Variants in MYT1L observed in about 807,000 individuals in gnomAD.
The protein encoded by MYT1L is myelin transcription factor 1-like protein.
In MYT1L, 12 loss-of-function variants were observed where a neutral mutation model predicts 126.7. That is an observed-to-expected ratio of 0.09 (90% CI 0.06 to 0.15). MYT1L has a LOEUF of 0.15. Ranked by LOEUF, MYT1L falls within the 10% of genes least tolerant of loss-of-function variation. The pLI, the probability that MYT1L is intolerant of heterozygous loss-of-function variation, is 1.00. For missense variants in MYT1L, 979 were observed against 1,585.2 expected (o/e 0.62, Z 6.49); for synonymous variants, 541 against 604.2 (o/e 0.90, Z 1.53).
At position 1,809,118 on chromosome 2, in the gene MYT1L, A is replaced by G; in HGVS notation, c.3130T>C (p.Ser1044Pro). ...ATSAMKKAKL[S>P]GEQMLTIKQR... is the part of the protein sequence containing the mutation. Reference sequence around the variant, plus strand: ...TTGATGGTCAGCATCTGCTCTCCAGAAAGCTTTGCCTTCTTCATCGCTGAC... The same window carrying G: ...TTGATGGTCAGCATCTGCTCTCCAGGAAGCTTTGCCTTCTTCATCGCTGAC... Residue 1044 changes from serine to proline, a missense_variant, in exon 22 of 25, where the codon TCT (serine) becomes CCT (proline). Physicochemically the swap from Ser to Pro is moderately conservative, Grantham distance 74 (BLOSUM62 -1). This residue lies in a region of MYT1L where 179 missense variants were observed against 398.6 expected (regional missense o/e 0.45). Coordinates refer to ENST00000647738, the MANE Select transcript of MYT1L (RefSeq NM_001303052.2). 1 of 1,614,000 alleles carries G rather than the reference A, an allele frequency of 6.2e-7. No homozygotes were observed. The highest frequency in any genetic ancestry group is 1.7e-5 in the Admixed American group (1 of 60,022).
At chr2:2,293,781 C>G (rs757368101) in intron 1 of MYT1L, among the ~76,000 whole-genome samples, 21 of 152,160 alleles carry the variant, frequency 1.4e-4, no homozygotes, top group Non-Finnish European at 2.9e-4. Flanking sequence ...CCTCCCGGCT[C>G]CTCTGGAGTC....
chr2:2,156,000 C>A (rs1466370866), intron 3 of MYT1L, among the ~76,000 whole-genome samples: 8 of 152,072 alleles, frequency 5.3e-5, no homozygotes, highest in Non-Finnish European at 1.0e-4. Flanking sequence ...CCTATAGTGA[C>A]CCATAGTGAC....
chr2:1,931,569 T>C (rs1311565469), intron 9 of MYT1L, among the ~76,000 whole-genome samples: 1 of 152,150 alleles, frequency 6.6e-6, no homozygotes, highest in Non-Finnish European at 1.5e-5. Flanking sequence ...GTCGCTTCTT[T>C]GTTCTTCTGG....
intron 4 of MYT1L, among the ~76,000 whole-genome samples, chr2:2,003,278 G>A (rs2062590643): frequency 6.6e-6 from 1 of 152,078 alleles, no homozygotes. Context: ...GCTTTTCCAC[G>A]TGACGTTTCA....
intron 8 of MYT1L, among the ~76,000 whole-genome samples, chr2:1,978,559 GT>G (rs2060353948): frequency 6.6e-6 from 1 of 152,078 alleles, no homozygotes. Flanking sequence ...GTTTCTAAAG[GT>G]TTTCCACCCC....
chr2:2,114,979 TCA>T (rs906212285), intron 3 of MYT1L, among the ~76,000 whole-genome samples: 7 of 152,320 alleles, frequency 4.6e-5, no homozygotes, highest in African/African-American at 1.4e-4. Flanking sequence ...CCGTAGCATC[TCA>T]CAGACTGTTT....
At chr2:2,153,234 G>A (rs1216609583) in intron 3 of MYT1L, among the ~76,000 whole-genome samples, 2 of 152,166 alleles carry the variant, frequency 1.3e-5, no homozygotes, top group Non-Finnish European at 2.9e-5. Flanking sequence ...AGGGGAAGGA[G>A]GCTGCAGCTA....
At chr2:2,153,628 A>G (rs1174252552) in intron 3 of MYT1L, among the ~76,000 whole-genome samples, 1 of 152,310 alleles carries the variant, frequency 6.6e-6, no homozygotes, top group East Asian at 1.9e-4. Context: ...GAAGACCATC[A>G]AAAGTAATTT....
intron 4 of MYT1L, among the ~76,000 whole-genome samples, chr2:2,032,798 C>A: frequency 9.7e-6 from 1 of 102,758 alleles, no homozygotes; most frequent in South Asian, 4.1e-4. Flanking sequence ...GAGGGCCTTA[C>A]ACACACCCTC....
At chr2:1,802,061 C>T (rs1558597739) in intron 22 of MYT1L, 2 of 339,888 alleles carry the variant, frequency 5.9e-6, no homozygotes, top group East Asian at 1.3e-4. Context: ...GAGGGTCGAG[C>T]TCCCAGGGAC....
chr2:2,307,521 C>T (rs550515846), intron 1 of MYT1L, among the ~76,000 whole-genome samples: 1 of 152,206 alleles, frequency 6.6e-6, no homozygotes, highest in East Asian at 1.9e-4. Context: ...CAAAGAAGAG[C>T]TCTGACCTTG....
In MYT1L at chr2:1,874,183, A is replaced by C. The variant is rs548069773; in HGVS notation, c.2711+12356T>G. Among the ~76,000 whole-genome samples, 3 of 131,044 alleles carry C rather than the reference A, an allele frequency of 2.3e-5. No individual in the cohort carries two copies. In the East Asian group the frequency reaches 6.9e-4, roughly 30 times the overall value. The allele number at this position is 131,044 out of a possible 152,430, so 86.0% of individuals were successfully genotyped here. A position where few individuals can be genotyped will look rare whatever the true frequency, so the allele number is the denominator to read the frequency against. On this transcript the variant is annotated intron_variant, in intron 18 of 24. Transcript: ENST00000647738. ...AAACAACCCAGGTGTGGAAAACAGG[A>C]AACGCTCTTTTTTTTTTTTCCCCCA...
chr2:2,278,529 A>G (rs2095401070), intron 2 of MYT1L, among the ~76,000 whole-genome samples: 1 of 152,212 alleles, frequency 6.6e-6, no homozygotes, highest in African/African-American at 2.4e-5. Context: ...CTAGACCTCC[A>G]TTTGATAACC....
intron 1 of MYT1L, chr2:2,324,566 T>C (rs998637469): frequency 6.6e-6 from 1 of 152,670 alleles, no homozygotes; most frequent in Non-Finnish European, 1.5e-5. Flanking sequence ...TGGAAATTAA[T>C]AAGTTGACAC....
intron 1 of MYT1L, among the ~76,000 whole-genome samples, chr2:2,312,536 G>T (rs1207661545): frequency 6.6e-6 from 1 of 152,040 alleles, no homozygotes; most frequent in Non-Finnish European, 1.5e-5. Flanking sequence ...TTACTTGAAC[G>T]TGGGAGGAAG....
intron 2 of MYT1L, among the ~76,000 whole-genome samples, chr2:2,244,865 ACAT>A (rs1192502769): frequency 2.6e-5 from 4 of 152,240 alleles, no homozygotes; most frequent in Non-Finnish European, 5.9e-5. Context: ...CTAGCCAGCC[ACAT>A]CACCTGGGAG....
At chr2:2,047,723 G>A (rs977223338) in intron 4 of MYT1L, among the ~76,000 whole-genome samples, 9 of 152,216 alleles carry the variant, frequency 5.9e-5, no homozygotes, top group Admixed American at 4.6e-4. Flanking sequence ...AATGGAAGAT[G>A]CTGCTAGTTA....
intron 3 of MYT1L, among the ~76,000 whole-genome samples, chr2:2,158,280 C>T (rs564321854): frequency 2.0e-5 from 3 of 152,232 alleles, no homozygotes; most frequent in Admixed American, 6.5e-5. Flanking sequence ...AAAAAACCCA[C>T]TTCTGATTCC....
chr2:2,289,811 A>G (rs1175511585), intron 1 of MYT1L, among the ~76,000 whole-genome samples: 1 of 152,208 alleles, frequency 6.6e-6, no homozygotes, highest in East Asian at 1.9e-4. Flanking sequence ...AGTGATTTAG[A>G]TGTGGATCCA....
Sources: allele counts gnomAD v4.1 joint callset (sites outside exome capture counted in the v4.1 genomes callset), GRCh38; gene constraint gnomAD v4.1.1; regional missense constraint gnomAD v4.1.1; transcripts MANE v1.5; gene names NCBI Gene and HGNC (gene_info 2026-07-23, HGNC 2026-07-21).